The following PRELID2 variants were observed in gnomAD, a reference collection of about 807,000 sequenced individuals.
PRELID2 encodes the protein PRELI domain containing 2.
In PRELID2, 25 loss-of-function variants were observed where a neutral mutation model predicts 28.4. The observed-to-expected ratio is 0.88, with a 90% CI of 0.64 to 1.23. PRELID2 has a LOEUF of 1.23. Among genes scored for constraint, PRELID2 ranks in the 50% most tolerant of loss-of-function variants. The pLI, the probability that PRELID2 is intolerant of heterozygous loss-of-function variation, is 0.00. For synonymous variants in PRELID2, 76 were observed against 71.6 expected (o/e 1.06, Z -0.31); for missense variants, 201 against 214.4 (o/e 0.94, Z 0.39).
chr5:145,341,902 C>T, the PRELID2 span, among the ~76,000 whole-genome samples: 1 of 152,148 alleles, frequency 6.6e-6, no homozygotes, highest in Non-Finnish European at 1.5e-5. Context: ...ATACAGGTGG[C>T]TCAGCAATCC....
intron 1 of PRELID2, among the ~76,000 whole-genome samples, chr5:145,653,608 C>T (rs1239694207): frequency 6.6e-6 from 1 of 152,240 alleles, no homozygotes. Context: ...CTCAAAACCA[C>T]TCAACTACGT....
intron 1 of PRELID2, among the ~76,000 whole-genome samples, chr5:145,551,745 T>G (rs1005465212): frequency 6.6e-6 from 1 of 152,172 alleles, no homozygotes; most frequent in African/African-American, 2.4e-5. Flanking sequence ...ATAAAGAGAC[T>G]CTTTACAAAA....
At chr5:145,544,369 A>C (rs1752769005) in intron 1 of PRELID2, among the ~76,000 whole-genome samples, 1 of 152,184 alleles carries the variant, frequency 6.6e-6, no homozygotes, top group African/African-American at 2.4e-5. Flanking sequence ...ACTGCTGATA[A>C]TAAATTGGCT....
At chr5:145,369,094 G>A in the PRELID2 span, among the ~76,000 whole-genome samples, 2 of 151,700 alleles carry the variant, frequency 1.3e-5, no homozygotes, top group East Asian at 3.9e-4. Context: ...GTGTTAATTT[G>A]CTAAAGTTAA....
At chr5:145,267,322 T>C in the PRELID2 span, among the ~76,000 whole-genome samples, 1 of 152,124 alleles carries the variant, frequency 6.6e-6, no homozygotes, top group Non-Finnish European at 1.5e-5. Flanking sequence ...ACCCAAATGT[T>C]AATCTCCTCT....
chr5:145,582,490 C>A (rs1014406120), intron 1 of PRELID2, among the ~76,000 whole-genome samples: 1 of 151,954 alleles, frequency 6.6e-6, no homozygotes, highest in African/African-American at 2.4e-5. Context: ...GACCCCTCCC[C>A]CAACACATGG....
chr5:145,709,654 A>G (rs1755638132), intron 1 of PRELID2, among the ~76,000 whole-genome samples: 1 of 152,146 alleles, frequency 6.6e-6, no homozygotes, highest in South Asian at 2.1e-4. Flanking sequence ...TTTTAATAAT[A>G]ACAAGACAGG....
the PRELID2 span, among the ~76,000 whole-genome samples, chr5:145,262,686 A>C: frequency 6.6e-6 from 1 of 152,182 alleles, no homozygotes; most frequent in Non-Finnish European, 1.5e-5. Flanking sequence ...CTGCTAAAAG[A>C]AGCTTAAATC....
chr5:145,522,285 G>T (rs1288131374), intron 1 of PRELID2, among the ~76,000 whole-genome samples: 1 of 151,848 alleles, frequency 6.6e-6, no homozygotes, highest in East Asian at 1.9e-4. Context: ...ACATCAAACA[G>T]CAGCTGTATT....
At chr5:145,641,280 A>G (rs2149664343) in intron 1 of PRELID2, among the ~76,000 whole-genome samples, 1 of 152,250 alleles carries the variant, frequency 6.6e-6, no homozygotes, top group South Asian at 2.1e-4. Flanking sequence ...ATCCAAAACT[A>G]CTATAAATCA....
chr5:145,252,834 T>A, the PRELID2 span, among the ~76,000 whole-genome samples: 1 of 152,116 alleles, frequency 6.6e-6, no homozygotes, highest in Non-Finnish European at 1.5e-5. Flanking sequence ...GAACTGTACA[T>A]CTAAAGTCAT....
the PRELID2 span, among the ~76,000 whole-genome samples, chr5:145,285,420 C>G: frequency 6.6e-6 from 1 of 152,122 alleles, no homozygotes; most frequent in African/African-American, 2.4e-5. Context: ...TCCCTTGAAT[C>G]TCCTCAAACA....
chr5:145,321,774 G>T, the PRELID2 span, among the ~76,000 whole-genome samples: 1 of 152,120 alleles, frequency 6.6e-6, no homozygotes, highest in African/African-American at 2.4e-5. Flanking sequence ...TCTTTGTGCT[G>T]AGAAGTTCTC....
the PRELID2 span, among the ~76,000 whole-genome samples, chr5:145,247,782 A>G: frequency 6.6e-6 from 1 of 152,118 alleles, no homozygotes; most frequent in Non-Finnish European, 1.5e-5. Flanking sequence ...AAAATCTGAC[A>G]TGGACCAGAC....
chr5:145,518,658 C>T (rs1752539389), intron 1 of PRELID2, among the ~76,000 whole-genome samples: 2 of 152,166 alleles, frequency 1.3e-5, no homozygotes, highest in African/African-American at 2.4e-5. Flanking sequence ...TCAATCAATC[C>T]TTTAGTGATA....
chr5:145,301,789 A>G, the PRELID2 span, among the ~76,000 whole-genome samples: 1 of 152,160 alleles, frequency 6.6e-6, no homozygotes, highest in Non-Finnish European at 1.5e-5. Flanking sequence ...TCCATTGTAT[A>G]TTATAAAACT....
chr5:145,421,758 T>C, the PRELID2 span, among the ~76,000 whole-genome samples: 1 of 137,852 alleles, frequency 7.3e-6, no homozygotes, highest in African/African-American at 2.7e-5. Flanking sequence ...TATTAGTTAT[T>C]TCTTGCCTTC....
In PRELID2 at chr5:145,547,693, T is replaced by C. The variant is rs115344275; in HGVS notation, n.71-74378A>G. Among the ~76,000 whole-genome samples, 1,179 of 152,312 alleles carry C rather than the reference T, an allele frequency of 7.7e-3. 22 individuals carry two copies. Among genetic ancestry groups the C allele is most frequent in the African/African-American group, 0.027 (1,129 of 41,574 alleles). ...AACCATATAACAAGGTGGATATAAT[T>C]ATATGCTCAAGTCAATATCTACTTA... On this transcript the variant is annotated intron_variant and non_coding_transcript_variant, in intron 1 of 2. Transcript: ENST00000510259.
chr5:145,497,766 CTG>C (rs1483440160), intron 1 of PRELID2, among the ~76,000 whole-genome samples: 1 of 152,186 alleles, frequency 6.6e-6, no homozygotes, highest in African/African-American at 2.4e-5. Flanking sequence ...CCTGCAGAGA[CTG>C]TGCAGTTAAT....
Sources: gnomAD v4.1 joint callset for allele counts (sites outside exome capture counted in the v4.1 genomes callset) on GRCh38, gnomAD v4.1.1 for gene constraint, MANE v1.5 for transcripts, NCBI Gene and HGNC (gene_info 2026-07-23, HGNC 2026-07-21) for gene names.